PTPRG: variants seen among roughly 807,000 people sequenced by gnomAD.
The protein encoded by PTPRG is protein tyrosine phosphatase receptor type G, also known as receptor-type tyrosine-protein phosphatase gamma.
PTPRG carries 102 observed loss-of-function variants against 165.3 expected under a neutral mutation model. That is an observed-to-expected ratio of 0.62 (90% CI 0.53 to 0.73). PTPRG has a LOEUF of 0.73. Ranked by LOEUF, PTPRG falls within the 30% of genes least tolerant of loss-of-function variation. The pLI is 0.00. For synonymous variants in PTPRG, 675 were observed against 669.5 expected (o/e 1.01, Z -0.13); for missense variants, 1,866 against 1,861.4 (o/e 1.00, Z -0.05).
At chr3:61,612,984 G>C (rs187884042) in intron 1 of PTPRG, among the ~76,000 whole-genome samples, 3 of 152,166 alleles carry the variant, frequency 2.0e-5, no homozygotes, top group Non-Finnish European at 4.4e-5. Context: ...TCCATTCCTT[G>C]CTGTCTGTGC....
intron 12 of PTPRG, among the ~76,000 whole-genome samples, chr3:62,207,533 T>G (rs1055287416): frequency 1.3e-5 from 2 of 152,226 alleles, no homozygotes; most frequent in African/African-American, 4.8e-5. Flanking sequence ...TTAAGGACTT[T>G]GTGTGTACAT....
intron 1 of PTPRG, among the ~76,000 whole-genome samples, chr3:61,607,091 T>A (rs752710717): frequency 6.6e-6 from 1 of 152,168 alleles, no homozygotes; most frequent in African/African-American, 2.4e-5. Context: ...GAGAAGGAGC[T>A]TTGGGCAGGT....
rs1378612467 is a variant in PTPRG, at chr3:62,219,770, C to CT, written c.2288+790dup. On this transcript the variant is annotated intron_variant, in intron 13 of 29. Coordinates refer to ENST00000474889, the MANE Select transcript of PTPRG (RefSeq NM_002841.4). This position sits in a 1 kb window ranked among gnomAD's most constrained non-coding sequence, Gnocchi z 4.5. Reference sequence around the variant, plus strand: ...CCATTCACTCAATTTTGAGCCCACACTTTGTGCCAGTCTTCTAGACACAAA... The same window carrying CT: ...CCATTCACTCAATTTTGAGCCCACACTTTTGTGCCAGTCTTCTAGACACAAA... Among the ~76,000 whole-genome samples, 2 of 152,224 alleles carry CT rather than the reference C, an allele frequency of 1.3e-5. No individual in the cohort carries two copies. Among genetic ancestry groups the CT allele is most frequent in the Non-Finnish European group, 2.9e-5 (2 of 68,048 alleles).
At chr3:62,132,697 C>T (rs1273864580) in intron 6 of PTPRG, 29 bp downstream of exon 6, 1 of 1,565,244 alleles carries the variant, frequency 6.4e-7, no homozygotes, top group African/African-American at 1.4e-5. Flanking sequence ...CTTCCTTTTG[C>T]TGGGATGTGA....
At chr3:62,261,506 T>C (rs1701697229) in intron 16 of PTPRG, among the ~76,000 whole-genome samples, 1 of 152,066 alleles carries the variant, frequency 6.6e-6, no homozygotes, top group Admixed American at 6.6e-5. Flanking sequence ...GAACAGAATA[T>C]ATTGGAGTTT....
chr3:62,064,356 CA>C (rs1559775534), intron 4 of PTPRG, among the ~76,000 whole-genome samples: 2 of 152,110 alleles, frequency 1.3e-5, no homozygotes, highest in Non-Finnish European at 2.9e-5. Context: ...TTTTTAAAGT[CA>C]AATGTGATCA....
intron 2 of PTPRG, among the ~76,000 whole-genome samples, chr3:61,818,337 C>T (rs1055763726): frequency 6.6e-6 from 1 of 151,358 alleles, no homozygotes; most frequent in African/African-American, 2.4e-5. Flanking sequence ...CTCAGAAATG[C>T]CAGAATTGAA....
At chr3:61,593,367 T>A (rs1249042216) in intron 1 of PTPRG, among the ~76,000 whole-genome samples, 10 of 150,362 alleles carry the variant, frequency 6.7e-5, no homozygotes, top group Non-Finnish European at 1.5e-5. Flanking sequence ...GAATCAGCAT[T>A]TCCTTTGTTA....
chr3:61,690,590 C>G (rs2030135727), intron 1 of PTPRG, among the ~76,000 whole-genome samples: 1 of 152,176 alleles, frequency 6.6e-6, no homozygotes, highest in Non-Finnish European at 1.5e-5. Context: ...TGTTTTTGCT[C>G]TGAAGGTCCA....
rs1277257567 is a variant in PTPRG at position 62,228,513 on chromosome 3, C to CAAAA, written c.2289-2703_2289-2700dup. ...TGGGCAACAGAGCAAAACTCCATCT[C>CAAAA]AAAAAAAAAAAAGAAAGAAAGAAAA... On this transcript the variant is annotated intron_variant, in intron 13 of 29. Transcript: ENST00000474889. The surrounding 1 kb of genome is among the most constrained non-coding windows in gnomAD (Gnocchi z 4.1). Among the ~76,000 whole-genome samples, 22 of 111,718 alleles carry CAAAA rather than the reference C, an allele frequency of 2.0e-4. No individual in the cohort carries two copies. Among genetic ancestry groups the CAAAA allele is most frequent in the African/African-American group, 7.4e-4 (22 of 29,666 alleles). 73.3% of individuals were successfully genotyped at this position (111,718 alleles called of 152,430 possible).
chr3:61,711,584 T>C (rs1302736974), intron 1 of PTPRG, among the ~76,000 whole-genome samples: 2 of 152,192 alleles, frequency 1.3e-5, no homozygotes, highest in Non-Finnish European at 2.9e-5. Flanking sequence ...GAAGTGTCTG[T>C]TCATATCCTT....
At chr3:61,718,582 G>A (rs1442910173) in intron 1 of PTPRG, among the ~76,000 whole-genome samples, 1 of 152,206 alleles carries the variant, frequency 6.6e-6, no homozygotes. Context: ...GTTTTTGCCT[G>A]TGTCTCTGTT....
intron 1 of PTPRG, among the ~76,000 whole-genome samples, chr3:61,667,841 T>C (rs73110574): frequency 0.055 from 8,378 of 151,868 alleles, 330 homozygotes; most frequent in East Asian, 0.17. Flanking sequence ...TTAAGTCCAT[T>C]CTGCTGATTC....
intron 26 of PTPRG, among the ~76,000 whole-genome samples, chr3:62,280,986 A>G (rs1702410870): frequency 6.6e-6 from 1 of 152,058 alleles, no homozygotes. Flanking sequence ...AATCATGCCA[A>G]TATTGAGTAC....
At chr3:61,971,077 C>T (rs962744008) in intron 2 of PTPRG, among the ~76,000 whole-genome samples, 10 of 151,968 alleles carry the variant, frequency 6.6e-5, no homozygotes, top group African/African-American at 1.9e-4. Flanking sequence ...TTTTCTGAAA[C>T]GGAATGTCGC....
At position 62,180,801 on chromosome 3, in the gene PTPRG, A is replaced by G. The variant is rs577664519; in HGVS notation, c.1034-10668A>G. Reference sequence around the variant, plus strand: ...TCAGAGGAAGAGGGATATCATGTAGAAAAAAGAATCCAAGGAGGTAAGAGA... The same window carrying G: ...TCAGAGGAAGAGGGATATCATGTAGGAAAAAGAATCCAAGGAGGTAAGAGA... On this transcript the variant is annotated intron_variant, in intron 8 of 29. Coordinates refer to ENST00000474889, the MANE Select transcript of PTPRG (RefSeq NM_002841.4). Among the ~76,000 whole-genome samples, 17 of 152,302 alleles carry G rather than the reference A, an allele frequency of 1.1e-4. No homozygotes were observed. In the South Asian group the frequency reaches 3.5e-3, roughly 32 times the overall value.
chr3:62,157,293 G>A, intron 7 of PTPRG, 69 bp downstream of exon 7: 1 of 1,500,596 alleles, frequency 6.7e-7, no homozygotes, highest in South Asian at 1.2e-5. Flanking sequence ...ATCCAGCATG[G>A]CTAGAGTATA....
chr3:61,878,519 G>A (rs1024938515), intron 2 of PTPRG, among the ~76,000 whole-genome samples: 2 of 152,048 alleles, frequency 1.3e-5, no homozygotes, highest in Non-Finnish European at 2.9e-5. Flanking sequence ...AGACAGGTAG[G>A]GTATCGCTCT....
chr3:61,763,261 G>A (rs1337516643), intron 2 of PTPRG, among the ~76,000 whole-genome samples: 5 of 150,978 alleles, frequency 3.3e-5, no homozygotes, highest in African/African-American at 4.9e-5. Context: ...TTTTTGAGAC[G>A]GAGTCTCACC....
Sources: gnomAD v4.1 joint callset for allele counts (sites outside exome capture counted in the v4.1 genomes callset) on GRCh38, gnomAD v4.1.1 for gene constraint, Gnocchi (gnomAD v3.1) non-coding constraint, MANE v1.5 for transcripts, NCBI Gene and HGNC (gene_info 2026-07-23, HGNC 2026-07-21) for gene names.